The following CHRDL1 variants were observed in gnomAD, a reference collection of about 807,000 sequenced individuals.
The protein encoded by CHRDL1 is chordin like 1, also known as chordin-like protein 1.
Under a neutral mutation model 40.9 loss-of-function variants are expected in CHRDL1, and 19 were observed. The observed-to-expected ratio is 0.46, with a 90% CI of 0.32 to 0.68. The LOEUF is 0.68. Ranked by LOEUF, CHRDL1 falls within the 30% of genes least tolerant of loss-of-function variation. The pLI is 0.03. For missense variants in CHRDL1, 329 were observed against 352.1 expected, an observed-to-expected ratio of 0.93 and a Z score of 0.53; for synonymous variants, 136 against 123.4, an observed-to-expected ratio of 1.10 and a Z score of -0.68.
rs148047393 is a variant in CHRDL1, at chrX:110,758,048, T to C, written c.301+1613A>G. Among the ~76,000 whole-genome samples, 299 of 98,834 alleles carry C rather than the reference T, an allele frequency of 3.0e-3. 2 individuals are homozygous for C. The highest frequency in any genetic ancestry group is 0.011 in the Middle Eastern group (2 of 183). The allele number at this position is 98,834 out of a possible 115,157, so 85.8% of individuals were successfully genotyped here. A position where few individuals can be genotyped will look rare whatever the true frequency, so the allele number is the denominator to read the frequency against. ...ACCACTTTTGGAGACTTCTGAGGAA[T>C]AAAAAGCTTTTATAAGGCTGTCTGA... is the stretch of plus-strand genomic sequence containing the variant. On this transcript the variant is annotated intron_variant, in intron 4 of 11. Coordinates refer to ENST00000372042, the MANE Select transcript of CHRDL1 (RefSeq NM_001143981.2).
intron 4 of CHRDL1, among the ~76,000 whole-genome samples, chrX:110,734,585 G>C (rs1212009631): frequency 1.8e-5 from 2 of 111,931 alleles, no homozygotes; most frequent in Non-Finnish European, 3.8e-5. Flanking sequence ...ATGCCAAGGG[G>C]ACACTGCTAT....
chrX:110,759,801 C>T (rs1569480231), intron 3 of CHRDL1, 47 bp from the exon 4 acceptor site: 8 of 965,991 alleles, frequency 8.3e-6, no homozygotes, highest in Non-Finnish European at 1.2e-5. Context: ...TTTCAAAGGT[C>T]GCTGGGATCA....
intron 8 of CHRDL1, among the ~76,000 whole-genome samples, chrX:110,689,741 ATATATCTATATATC>A (rs1205583857): frequency 1.6e-4 from 9 of 57,596 alleles, no homozygotes; most frequent in Non-Finnish European, 2.1e-4. Context: ...ATATATCTAT[ATATATCTATATATC>A]TATATATCTA....
At chrX:110,733,356 C>T (rs1032894861) in intron 4 of CHRDL1, among the ~76,000 whole-genome samples, 9 of 111,093 alleles carry the variant, frequency 8.1e-5, no homozygotes, top group African/African-American at 3.0e-4. Flanking sequence ...AATGCTCTAC[C>T]TCTGATTGGC....
At chrX:110,792,300 T>A in intron 1 of CHRDL1, 85 bp from the exon 2 acceptor site, 1 of 420,619 alleles carries the variant, frequency 2.4e-6, no homozygotes, top group Non-Finnish European at 4.1e-6. Context: ...TCTAACCTGC[T>A]AGAATAAAAA....
intron 6 of CHRDL1, among the ~76,000 whole-genome samples, chrX:110,714,502 T>C (rs2070804966): frequency 9.0e-6 from 1 of 111,360 alleles, no homozygotes; most frequent in Non-Finnish European, 1.9e-5. Context: ...TCTGAAGAGA[T>C]TTTTTCTTCT....
chrX:110,720,484 C>T (rs1569471651), intron 5 of CHRDL1, among the ~76,000 whole-genome samples: 1 of 111,825 alleles, frequency 8.9e-6, no homozygotes, highest in Non-Finnish European at 1.9e-5. Context: ...ATCCTGATTT[C>T]CTAAATTTCT....
intron 6 of CHRDL1, among the ~76,000 whole-genome samples, chrX:110,701,441 A>G (rs190311055): frequency 8.9e-6 from 1 of 112,068 alleles, no homozygotes; most frequent in East Asian, 2.8e-4. Context: ...TATTCAACAT[A>G]TATTTTATAA....
At chrX:110,742,550 G>A (rs1372463239) in intron 4 of CHRDL1, among the ~76,000 whole-genome samples, 1 of 112,683 alleles carries the variant, frequency 8.9e-6, no homozygotes, top group African/African-American at 3.2e-5. Flanking sequence ...CCTATTTTGT[G>A]CCTTGGCAGA....
intron 2 of CHRDL1, among the ~76,000 whole-genome samples, chrX:110,777,609 G>A (rs1474980922): frequency 1.8e-5 from 2 of 111,574 alleles, no homozygotes; most frequent in Non-Finnish European, 1.9e-5. Context: ...GACATATGAT[G>A]TAGAGCATCT....
chrX:110,781,644 C>T (rs973296071), intron 2 of CHRDL1, among the ~76,000 whole-genome samples: 2 of 111,061 alleles, frequency 1.8e-5, no homozygotes, highest in Admixed American at 9.6e-5. Flanking sequence ...AAGATAAAGA[C>T]CACCGAAAAG....
intron 2 of CHRDL1, among the ~76,000 whole-genome samples, chrX:110,782,293 T>G (rs1208381407): frequency 8.9e-6 from 1 of 112,232 alleles, no homozygotes; most frequent in East Asian, 2.8e-4. Flanking sequence ...ATTTTACCAC[T>G]GAGGAATCAA....
intron 6 of CHRDL1, among the ~76,000 whole-genome samples, chrX:110,707,583 C>A (rs1043198626): frequency 4.5e-5 from 5 of 111,976 alleles, no homozygotes; most frequent in Non-Finnish European, 9.4e-5. Context: ...GAAAACCTGG[C>A]TAGCCATATG....
At chrX:110,705,962 G>A (rs904644515) in intron 6 of CHRDL1, among the ~76,000 whole-genome samples, 3 of 110,296 alleles carry the variant, frequency 2.7e-5, no homozygotes, top group East Asian at 2.8e-4. Flanking sequence ...GCTGCTAAAC[G>A]TTTTAACATT....
At chrX:110,761,676 A>G (rs2089566208) in intron 3 of CHRDL1, among the ~76,000 whole-genome samples, 1 of 111,800 alleles carries the variant, frequency 8.9e-6, no homozygotes, top group Non-Finnish European at 1.9e-5. Context: ...ACATCCCACA[A>G]TGCGCAGGAC....
intron 2 of CHRDL1, among the ~76,000 whole-genome samples, chrX:110,763,957 G>A (rs1191673799): frequency 8.9e-6 from 1 of 111,828 alleles, no homozygotes; most frequent in African/African-American, 3.2e-5. Context: ...AAGGAGTAAG[G>A]TGGTATTGCA....
intron 2 of CHRDL1, among the ~76,000 whole-genome samples, chrX:110,785,663 A>G (rs758287338): frequency 4.1e-4 from 46 of 112,026 alleles, no homozygotes; most frequent in Non-Finnish European, 6.2e-4. Flanking sequence ...AAAAAAGACT[A>G]CAAGTATATA....
chrX:110,693,193 T>C (rs1464990555), intron 8 of CHRDL1, among the ~76,000 whole-genome samples: 1 of 110,496 alleles, frequency 9.1e-6, no homozygotes, highest in Non-Finnish European at 1.9e-5. Flanking sequence ...GGCCAGAAAA[T>C]GCTGTGTAAG....
chrX:110,705,300 TATATACACACACAC>T (rs1569467276), intron 6 of CHRDL1, among the ~76,000 whole-genome samples: 2 of 87,205 alleles, frequency 2.3e-5, no homozygotes, highest in African/African-American at 1.1e-4. Context: ...TATATATATA[TATATACACACACAC>T]ATATATATAT....
Sources: allele counts gnomAD v4.1 joint callset (sites outside exome capture counted in the v4.1 genomes callset), GRCh38; gene constraint gnomAD v4.1.1; transcripts MANE v1.5; gene names NCBI Gene and HGNC (gene_info 2026-07-23, HGNC 2026-07-21).